Variants in RASGRF1 observed in about 807,000 individuals in gnomAD.
RASGRF1 encodes the protein ras-specific guanine nucleotide-releasing factor 1.
A neutral mutation model predicts 138.7 loss-of-function variants in RASGRF1; 40 were observed. That is an observed-to-expected ratio of 0.29 (90% CI 0.22 to 0.38). RASGRF1 has a LOEUF of 0.38. Ranked by LOEUF, RASGRF1 falls within the 10% of genes least tolerant of loss-of-function variation. The pLI is 1.00. For missense variants in RASGRF1, 1,108 were observed against 1,650.4 expected (o/e 0.67, Z 5.69); for synonymous variants, 614 against 663.2 (o/e 0.93, Z 1.14).
intron 20 of RASGRF1, among the ~76,000 whole-genome samples, chr15:78,992,528 A>G (rs2141663376): frequency 6.6e-6 from 1 of 152,304 alleles, no homozygotes; most frequent in Non-Finnish European, 1.5e-5. Flanking sequence ...GGTCTGCTGG[A>G]TCTGAGTGAG....
rs755178280 is a variant in RASGRF1, at chr15:78,999,894, A to G, written c.2595T>C (p.Tyr865=). Reference sequence around the variant, plus strand: ...AGGAGGTCATGACGACTCCATTGTTATAGGAAAAGAGTGGGAACTCTGCAG... The same window carrying G: ...AGGAGGTCATGACGACTCCATTGTTGTAGGAAAAGAGTGGGAACTCTGCAG... ...KNSSEFPLFS[Y]NNGVVMTSCR... The change falls in exon 17 of 27, where the codon TAT becomes TAC. Residue 865 remains tyrosine, a synonymous_variant. Transcript: ENST00000558480. 8 of 1,613,974 alleles carry G rather than the reference A, an allele frequency of 5.0e-6. No homozygotes were observed. The highest frequency in any genetic ancestry group is 6.8e-6 in the Non-Finnish European group (8 of 1,179,964).
intron 11 of RASGRF1, among the ~76,000 whole-genome samples, chr15:79,019,230 C>T (rs1476443643): frequency 1.3e-5 from 2 of 152,184 alleles, no homozygotes; most frequent in Admixed American, 6.5e-5. Flanking sequence ...CTGGTGTCCC[C>T]ACAGGGCAGG....
chr15:79,063,269 C>G (rs1416950071), intron 2 of RASGRF1, among the ~76,000 whole-genome samples: 1 of 152,172 alleles, frequency 6.6e-6, no homozygotes, highest in Non-Finnish European at 1.5e-5. Context: ...ATGTGACAAC[C>G]TGGTCTCTGT....
At chr15:79,034,791 C>T (rs1304219898) in intron 6 of RASGRF1, among the ~76,000 whole-genome samples, 3 of 151,986 alleles carry the variant, frequency 2.0e-5, no homozygotes, top group Non-Finnish European at 2.9e-5. Context: ...TGGAAGAAAA[C>T]ACACCAAAGT....
intron 24 of RASGRF1, among the ~76,000 whole-genome samples, chr15:78,978,215 C>CTTTTCTTTTCTTTTTTTTTTTTTT (rs2055915117): frequency 1.3e-5 from 1 of 79,340 alleles, no homozygotes; most frequent in African/African-American, 5.1e-5. Flanking sequence ...TTTTTCTTTT[C>CTTTTCTTTTCTTTTTTTTTTTTTT]TTTTGTTTTT....
At chr15:79,035,553 G>A (rs903579870) in intron 5 of RASGRF1, among the ~76,000 whole-genome samples, 3 of 152,178 alleles carry the variant, frequency 2.0e-5, no homozygotes, top group African/African-American at 7.2e-5. Context: ...CTCAAGTCCC[G>A]GCCTGCTGGG....
rs551955703 is a variant in RASGRF1 at position 79,032,469 on chromosome 15, A to C, written c.959-153T>G. Among the ~76,000 whole-genome samples the C allele has an allele frequency of 6.6e-6, 1 of 152,322 alleles. No individual in the cohort carries two copies. The highest frequency in any genetic ancestry group is 2.1e-4 in the South Asian group (1 of 4,834). Reference sequence around the variant, plus strand: ...CATCTCTGCTCTTGGGGATGACTCCAGTACCACTGCCCTATCCAGTGCTAG... The same window carrying C: ...CATCTCTGCTCTTGGGGATGACTCCCGTACCACTGCCCTATCCAGTGCTAG... On this transcript the variant is annotated intron_variant, in intron 6 of 26. Transcript: ENST00000558480. This position sits in a 1 kb window ranked among gnomAD's most constrained non-coding sequence, Gnocchi z 4.5.
At chr15:79,017,406 T>G (rs2056894052) in intron 12 of RASGRF1, among the ~76,000 whole-genome samples, 1 of 152,172 alleles carries the variant, frequency 6.6e-6, no homozygotes, top group South Asian at 2.1e-4. Context: ...ACCTGGGGCA[T>G]GTACTAAAAT....
At chr15:79,072,882 G>C (rs911036699) in intron 1 of RASGRF1, among the ~76,000 whole-genome samples, 4 of 152,202 alleles carry the variant, frequency 2.6e-5, no homozygotes, top group Non-Finnish European at 4.4e-5. Flanking sequence ...AGACCAACCA[G>C]AGCTACCCAG....
In RASGRF1 at chr15:79,090,430, G is replaced by A. The variant is rs1358750939; in HGVS notation, c.69C>T (p.Gly23=). ...GCTTGCTCAGGTAGCCTTTGCGCGT[G>A]CCGTCCTTGCGCGCCAGCAGTCCCA... The part of the protein sequence containing the change: ...ASLGLLARKD[G]TRKGYLSKRS... The change falls in exon 1 of 27, where the codon GGC becomes GGT. Residue 23 remains glycine, a synonymous_variant. Coordinates refer to ENST00000558480, the MANE Select transcript of RASGRF1 (RefSeq NM_001145648.3). 1.9e-6 allele frequency: 3 copies of A among 1,613,076 alleles called. No individual in the cohort carries two copies. In the African/African-American group the frequency reaches 4.0e-5, roughly 22 times the overall value.
intron 1 of RASGRF1, among the ~76,000 whole-genome samples, chr15:79,086,584 C>A (rs563409021): frequency 5.3e-5 from 8 of 151,780 alleles, no homozygotes; most frequent in Non-Finnish European, 1.0e-4. Context: ...GACCCCCCCC[C>A]CCCAGCTTCT....
intron 1 of RASGRF1, among the ~76,000 whole-genome samples, chr15:79,074,460 A>G (rs1346371980): frequency 6.6e-6 from 1 of 152,232 alleles, no homozygotes; most frequent in Non-Finnish European, 1.5e-5. Flanking sequence ...CAGCCTCAGC[A>G]CTACCAGAGC....
At chr15:79,000,057 G>A in intron 16 of RASGRF1, 144 bp from the exon 17 acceptor site, 1 of 805,002 alleles carries the variant, frequency 1.2e-6, no homozygotes, top group South Asian at 1.7e-5. Flanking sequence ...GGGTGGTGCT[G>A]GTGTGTGTGT....
chr15:78,963,755 A>G (rs780198325), intron 26 of RASGRF1, among the ~76,000 whole-genome samples: 3 of 152,208 alleles, frequency 2.0e-5, no homozygotes, highest in Non-Finnish European at 4.4e-5. Flanking sequence ...AGTGATTACT[A>G]TGTCTGATTA....
chr15:79,053,262 A>G (rs556906411), intron 3 of RASGRF1, among the ~76,000 whole-genome samples: 1 of 152,274 alleles, frequency 6.6e-6, no homozygotes, highest in South Asian at 2.1e-4. Context: ...CGAAAAAAAA[A>G]GAAAAACCAA....
intron 19 of RASGRF1, among the ~76,000 whole-genome samples, chr15:78,996,028 C>T (rs1487172142): frequency 6.6e-6 from 1 of 152,228 alleles, no homozygotes; most frequent in Non-Finnish European, 1.5e-5. Context: ...GGGCTTCCTG[C>T]ATCTGGCTGG....
chr15:78,966,622 T>C (rs2055649732), intron 26 of RASGRF1, among the ~76,000 whole-genome samples: 1 of 152,186 alleles, frequency 6.6e-6, no homozygotes, highest in Non-Finnish European at 1.5e-5. Context: ...ATAAAATTAA[T>C]TTATACCTTA....
chr15:78,979,384 G>C (rs937992724), intron 24 of RASGRF1: 2 of 285,120 alleles, frequency 7.0e-6, no homozygotes, highest in Admixed American at 4.6e-5. Context: ...CCATCCTCAG[G>C]GTCTGGGGGT....
Position 79,027,008 on chromosome 15 carries a change from C to G in RASGRF1, c.1381+733G>C, listed in dbSNP as rs536987682. Among the ~76,000 whole-genome samples the G allele has an allele frequency of 6.6e-6, 1 of 152,132 alleles. No homozygotes were observed. Among genetic ancestry groups the G allele is most frequent in the Non-Finnish European group, 1.5e-5 (1 of 68,022 alleles). On this transcript the variant is annotated intron_variant, in intron 9 of 26. Coordinates refer to ENST00000558480, the MANE Select transcript of RASGRF1 (RefSeq NM_001145648.3). The surrounding 1 kb of genome is among the most constrained non-coding windows in gnomAD (Gnocchi z 4.8). ...CAGCGGGAGGCGCTGGCAAGTATTT[C>G]GTTAGGCAGAGAATCCCAGGGCTAC...
Sources: allele counts gnomAD v4.1 joint callset (sites outside exome capture counted in the v4.1 genomes callset), GRCh38; gene constraint gnomAD v4.1.1; non-coding constraint Gnocchi (gnomAD v3.1); transcripts MANE v1.5; gene names NCBI Gene and HGNC (gene_info 2026-07-23, HGNC 2026-07-21).